ADNP2: variants seen among roughly 807,000 people sequenced by gnomAD.
ADNP2 encodes the protein ADNP homeobox 2, also known as activity-dependent neuroprotector homeobox protein 2.
A neutral mutation model predicts 16.4 loss-of-function variants in ADNP2; 8 were observed. The observed-to-expected ratio is 0.49, with a 90% CI of 0.29 to 0.88. The LOEUF (loss-of-function observed/expected upper bound fraction) is 0.88. Among genes scored for constraint, ADNP2 ranks in the 40% least tolerant of loss-of-function variants. ADNP2 has a pLI of 0.09. For synonymous variants in ADNP2, 637 were observed against 545.8 expected, an observed-to-expected ratio of 1.17 and a Z score of -2.33; for missense variants, 1,397 against 1,395.1, an observed-to-expected ratio of 1.00 and a Z score of -0.02.
At chr18:80,135,501 G>A (rs2052525747) in intron 3 of ADNP2, 111 bp from the exon 4 acceptor site, 1 of 1,129,066 alleles carries the variant, frequency 8.9e-7, no homozygotes, top group Non-Finnish European at 1.2e-6. Context: ...ATTAAGTCAG[G>A]TTAAATGCCT....
At chr18:80,125,047 A>G (rs1413843949) in intron 2 of ADNP2, among the ~76,000 whole-genome samples, 1 of 152,212 alleles carries the variant, frequency 6.6e-6, no homozygotes, top group African/African-American at 2.4e-5. Flanking sequence ...CATACATGGC[A>G]TGTATTTTTC....
intron 3 of ADNP2, among the ~76,000 whole-genome samples, chr18:80,135,066 TAATG>T (rs1482242907): frequency 1.3e-5 from 2 of 152,140 alleles, no homozygotes; most frequent in Non-Finnish European, 2.9e-5. Context: ...TGTAGAAAAT[TAATG>T]AAGCTTTTAA....
intron 2 of ADNP2, among the ~76,000 whole-genome samples, chr18:80,124,963 T>C (rs1599812191): frequency 6.6e-6 from 1 of 152,190 alleles, no homozygotes; most frequent in Non-Finnish European, 1.5e-5. Context: ...TAATCTGACT[T>C]GGGAGATTCC....
chr18:80,128,997 G>C (rs2052478216), intron 2 of ADNP2, among the ~76,000 whole-genome samples: 1 of 150,522 alleles, frequency 6.6e-6, no homozygotes, highest in Non-Finnish European at 1.5e-5. Flanking sequence ...TTTACCACTT[G>C]CTTTTTTCAC....
Position 80,137,846 on chromosome 18 carries a change from T to G in ADNP2, c.2433T>G (p.Asp811Glu). 6.2e-7 allele frequency: 1 copy of G among 1,614,034 alleles called. No homozygotes were observed. Among genetic ancestry groups the G allele is most frequent in the Non-Finnish European group, 8.5e-7 (1 of 1,180,016 alleles). Residue 811 changes from aspartate (D) to glutamate (E), a missense_variant, in exon 4 of 4, where the codon GAT becomes GAG. Physicochemically the swap from Asp to Glu is conservative, Grantham distance 45. Around this residue, in one of 3 missense-constraint regions of ADNP2, gnomAD observed 611 missense variants for 648.7 expected, o/e 0.94. Transcript: ENST00000262198. This position sits in a 1 kb window ranked among gnomAD's most constrained non-coding sequence, Gnocchi z 4.2. Reference sequence around the variant, plus strand: ...ATAGCAACAGAGGTTTTCAATTAGATGTCGATGCCAATGGCAACCTGCTCT... The same window carrying G: ...ATAGCAACAGAGGTTTTCAATTAGAGGTCGATGCCAATGGCAACCTGCTCT... ...MDYSNRGFQL[D>E]VDANGNLLFP...
At chr18:80,131,618 A>C (rs1357369585) in intron 2 of ADNP2, among the ~76,000 whole-genome samples, 31 of 151,120 alleles carry the variant, frequency 2.1e-4, no homozygotes. Flanking sequence ...GTACATGTGC[A>C]CAACGTGCAG....
At chr18:80,130,206 G>A (rs2052487284) in intron 2 of ADNP2, among the ~76,000 whole-genome samples, 2 of 152,134 alleles carry the variant, frequency 1.3e-5, no homozygotes, top group African/African-American at 4.8e-5. Context: ...CCCCTAAAGG[G>A]CCTGTGAGGA....
In ADNP2 at chr18:80,138,990, A is replaced by G. The variant is rs2052563612; in HGVS notation, c.*181A>G. On this transcript the variant is annotated 3_prime_UTR_variant, in exon 4 of 4. Coordinates refer to ENST00000262198, the MANE Select transcript of ADNP2 (RefSeq NM_014913.4). Reference sequence around the variant, plus strand: ...ACCAGGAAGCCAGTAGTTATTTCACATCTATTGTTTCCTGCAGTTTGATTT... The same window carrying G: ...ACCAGGAAGCCAGTAGTTATTTCACGTCTATTGTTTCCTGCAGTTTGATTT... 1 of 489,184 alleles carries G rather than the reference A, an allele frequency of 2.0e-6. No homozygotes were observed. Among genetic ancestry groups the G allele is most frequent in the African/African-American group, 2.0e-5 (1 of 49,916 alleles). The allele number at this position is 489,184 out of a possible 1,614,324, so 30.3% of individuals were successfully genotyped here.
At chr18:80,132,213 A>G (rs1373473803) in intron 2 of ADNP2, among the ~76,000 whole-genome samples, 1 of 152,222 alleles carries the variant, frequency 6.6e-6, no homozygotes, top group African/African-American at 2.4e-5. Flanking sequence ...AGGGTACTCC[A>G]TCAAAACTTG....
At chr18:80,119,366 G>T (rs112089717) in intron 2 of ADNP2, among the ~76,000 whole-genome samples, 1 of 149,626 alleles carries the variant, frequency 6.7e-6, no homozygotes, top group Non-Finnish European at 1.5e-5. Flanking sequence ...GAGCTGAGAT[G>T]GCGCCACTGC....
At chr18:80,120,363 G>T (rs1195764050) in intron 2 of ADNP2, among the ~76,000 whole-genome samples, 1 of 147,302 alleles carries the variant, frequency 6.8e-6, no homozygotes, top group East Asian at 2.0e-4. Flanking sequence ...ACAGGGTCTC[G>T]CTCTTTTACC....
chr18:80,136,460 C>G lies in ADNP2; in HGVS notation c.1047C>G (p.Pro349=), dbSNP rs1485043868. 6.2e-7 allele frequency: 1 copy of G among 1,613,942 alleles called. No individual in the cohort carries two copies. Among genetic ancestry groups the G allele is most frequent in the African/African-American group, 1.3e-5 (1 of 74,904 alleles). Residue 349 remains proline (P), a synonymous_variant, in exon 4 of 4, where the codon CCC becomes CCG. Coordinates refer to ENST00000262198, the MANE Select transcript of ADNP2 (RefSeq NM_014913.4). The part of the protein sequence containing the change: ...PVGQNSLTLQ[P]PAPQPVFLSH... Reference sequence around the variant, plus strand: ...GCCAGAACAGCCTCACCCTGCAGCCCCCAGCACCTCAGCCCGTCTTTCTTT... The same window carrying G: ...GCCAGAACAGCCTCACCCTGCAGCCGCCAGCACCTCAGCCCGTCTTTCTTT...
intron 2 of ADNP2, among the ~76,000 whole-genome samples, chr18:80,119,551 C>T (rs2052411338): frequency 6.6e-6 from 1 of 152,180 alleles, no homozygotes; most frequent in South Asian, 2.1e-4. Flanking sequence ...TGTCGCTCTG[C>T]CTTCTTGTAA....
At chr18:80,131,086 G>A (rs11660949) in intron 2 of ADNP2, among the ~76,000 whole-genome samples, 1 of 152,028 alleles carries the variant, frequency 6.6e-6, no homozygotes, top group South Asian at 2.1e-4. Flanking sequence ...TTCCTTCTAC[G>A]TTTCCTCCCT....
chr18:80,126,019 T>C (rs973321220), intron 2 of ADNP2, among the ~76,000 whole-genome samples: 15 of 152,194 alleles, frequency 9.9e-5, no homozygotes, highest in African/African-American at 3.6e-4. Flanking sequence ...ATTATTGATA[T>C]GGTTGGTTTT....
At chr18:80,123,972 T>G (rs886633505) in intron 2 of ADNP2, among the ~76,000 whole-genome samples, 1 of 152,094 alleles carries the variant, frequency 6.6e-6, no homozygotes, top group African/African-American at 2.4e-5. Context: ...TCAAATGATT[T>G]ACCCACCTCG....
At chr18:80,120,730 C>T (rs2052419094) in intron 2 of ADNP2, among the ~76,000 whole-genome samples, 1 of 152,156 alleles carries the variant, frequency 6.6e-6, no homozygotes, top group Non-Finnish European at 1.5e-5. Flanking sequence ...CTCTGACTCA[C>T]TGCAACCTCC....
At chr18:80,134,800 T>C (rs1299839797) in intron 3 of ADNP2, among the ~76,000 whole-genome samples, 2 of 152,070 alleles carry the variant, frequency 1.3e-5, no homozygotes, top group Non-Finnish European at 2.9e-5. Context: ...GGGTCATCCA[T>C]AGTGTGAGTT....
intron 3 of ADNP2, among the ~76,000 whole-genome samples, chr18:80,134,392 T>A (rs1359698482): frequency 1.5e-5 from 2 of 131,138 alleles, no homozygotes; most frequent in African/African-American, 5.2e-5. Flanking sequence ...GAAGAGTGTG[T>A]GTGTGTGTGT....
Sources: gnomAD v4.1 joint callset for allele counts (sites outside exome capture counted in the v4.1 genomes callset) on GRCh38, gnomAD v4.1.1 for gene constraint, gnomAD v4.1.1 regional missense constraint, Gnocchi (gnomAD v3.1) non-coding constraint, MANE v1.5 for transcripts, NCBI Gene and HGNC (gene_info 2026-07-23, HGNC 2026-07-21) for gene names.